Variants in HJURP observed in about 807,000 individuals in gnomAD.
The protein encoded by HJURP is 14-3-3-associated AKT substrate.
Under a neutral mutation model 72.0 loss-of-function variants are expected in HJURP, and 49 were observed. The observed-to-expected ratio is 0.68, with a 90% confidence interval of 0.54 to 0.86. The LOEUF (loss-of-function observed/expected upper bound fraction) is 0.86. HJURP is among the 40% of genes least tolerant of loss of function. The pLI is 0.00. For missense variants in HJURP, 908 were observed against 936.3 expected (o/e 0.97, Z 0.39); for synonymous variants, 357 against 347.1 (o/e 1.03, Z -0.32).
rs1323968662 is a variant in HJURP, at chr2:233,847,409, A to C, written c.390T>G (p.Ala130=). The change falls in exon 5 of 9, where the codon GCT becomes GCG. Residue 130 remains alanine, a synonymous_variant. Transcript: ENST00000411486. The part of the protein sequence containing the change: ...DATSDQEESV[A]WALAPAVPQS... ...AGGCAGCACTTACTGCTAAGGCCCA[A>C]GCAACTGACTCTTCCTGGTCTGACG... 6.2e-7 allele frequency: 1 copy of C among 1,613,974 alleles called. No homozygotes were observed. The highest frequency in any genetic ancestry group is 2.2e-5 in the East Asian group (1 of 44,886).
Position 233,846,223 on chromosome 2 carries a change from C to A in HJURP, c.403-403G>T, listed in dbSNP as rs746808392. On this transcript the variant is annotated intron_variant, in intron 5 of 8. Transcript: ENST00000411486. The surrounding 1 kb of genome is among the most constrained non-coding windows in gnomAD (Gnocchi z 4.3). ...ATCCCAGCACTTTAGGAGGCTGAGG[C>A]AGGTGGATCACTTGAGGCCAGGAGT... 12 of 158,306 alleles carry A rather than the reference C, an allele frequency of 7.6e-5. No homozygotes were observed. The highest frequency in any genetic ancestry group is 1.5e-4 in the Non-Finnish European group (11 of 72,022). The allele number at this position is 158,306 out of a possible 1,614,324, so 9.8% of individuals were successfully genotyped here. A position where few individuals can be genotyped will look rare whatever the true frequency, so the allele number is the denominator to read the frequency against.
Position 233,837,389 on chromosome 2 carries a change from G to T in HJURP, c.*188C>A. The T allele has an allele frequency of 4.4e-6, 2 of 457,644 alleles. No individual in the cohort carries two copies. The highest frequency in any genetic ancestry group is 3.8e-6 in the Non-Finnish European group (1 of 260,182). 28.3% of individuals were successfully genotyped at this position (457,644 alleles called of 1,614,324 possible). A position where few individuals can be genotyped will look rare whatever the true frequency, so the allele number is the denominator to read the frequency against. ...AAAGAGAACCCTAAAAATTCTAATT[G>T]AGCAACTTTATTCACATAATTTCTA... On this transcript the variant is annotated 3_prime_UTR_variant, in exon 9 of 9. Coordinates refer to ENST00000411486, the MANE Select transcript of HJURP (RefSeq NM_018410.5).
chr2:233,849,839 C>G lies in HJURP; in HGVS notation c.261G>C (p.Ala87=), dbSNP rs749028441. ...CTTGCACGGAGCCATCTGTCCTGTC[C>G]GCGGGCTTCATGGAGGAGTCCTCCA... ...GEIQDSSMKP[A]DRTDGSVQAA... is the part of the protein sequence containing the mutation. Residue 87 remains alanine (A), a synonymous_variant, in exon 4 of 9, where the codon GCG becomes GCC. Transcript: ENST00000411486. 1.3e-6 allele frequency: 2 copies of G among 1,552,332 alleles called. No individual in the cohort carries two copies. The highest frequency in any genetic ancestry group is 1.7e-6 in the Non-Finnish European group (2 of 1,147,288).
rs371372758 is a variant in HJURP at position 233,846,854 on chromosome 2, A to G, written c.402+543T>C. Reference sequence around the variant, plus strand: ...AAATTCGCATCTATCCCAACCAAGGAGGATAAGAAGCACATCCCATAAGAA... The same window carrying G: ...AAATTCGCATCTATCCCAACCAAGGGGGATAAGAAGCACATCCCATAAGAA... On this transcript the variant is annotated intron_variant, in intron 5 of 8. Transcript: ENST00000411486. This position sits in a 1 kb window ranked among gnomAD's most constrained non-coding sequence, Gnocchi z 4.3. Among the ~76,000 whole-genome samples the G allele has an allele frequency of 3.9e-5, 6 of 152,200 alleles. No individual in the cohort carries two copies. The East Asian group carries it at 9.6e-4, about 24-fold the overall frequency.
In HJURP at chr2:233,840,658, C is replaced by A. The variant is rs372240290; in HGVS notation, c.2122G>T (p.Val708Phe). The A allele has an allele frequency of 1.4e-5, 23 of 1,611,620 alleles. No individual in the cohort carries two copies. In the Admixed American group the frequency reaches 3.4e-4, roughly 24 times the overall value. Residue 708 changes from valine (V) to phenylalanine (F), a missense_variant, in exon 8 of 9, where the codon GTC becomes TTC. Val to Phe is a conservative substitution (Grantham distance 50). Coordinates refer to ENST00000411486, the MANE Select transcript of HJURP (RefSeq NM_018410.5). ...GAGCTGCCCTGGTCTCCCGGTCTGACGGTGTTGTCCACCCCATCTGAGGCA... is the reference window on the plus strand; with the variant it reads ...GAGCTGCCCTGGTCTCCCGGTCTGAAGGTGTTGTCCACCCCATCTGAGGCA... ...LGASDGVDNT[V>F]RPGDQGSSSQ...
Position 233,840,927 on chromosome 2 carries a change from T to C in HJURP, c.1853A>G (p.Tyr618Cys). Residue 618 changes from tyrosine to cysteine, a missense_variant, in exon 8 of 9, where the codon TAT becomes TGT. Tyr to Cys is a radical substitution (Grantham distance 194). This residue lies in a region of HJURP where 598 missense variants were observed against 619.5 expected (regional missense o/e 0.97). Coordinates refer to ENST00000411486, the MANE Select transcript of HJURP (RefSeq NM_018410.5). Reference protein sequence around the residue: ...STDKASMEVRYQTEGFLGKLN... With the variant: ...STDKASMEVRCQTEGFLGKLN... ...TTTTCCTAAGAAGCCTTCTGTTTGATATCGAACTTCCATACTTGCTTTATC... is the reference window on the plus strand; with the variant it reads ...TTTTCCTAAGAAGCCTTCTGTTTGACATCGAACTTCCATACTTGCTTTATC... 6.2e-7 allele frequency: 1 copy of C among 1,614,150 alleles called. No individual in the cohort carries two copies. Among genetic ancestry groups the C allele is most frequent in the Non-Finnish European group, 8.5e-7 (1 of 1,180,000 alleles).
intron 3 of HJURP, among the ~76,000 whole-genome samples, chr2:233,851,542 TA>T (rs1263500994): frequency 6.6e-6 from 1 of 152,136 alleles, no homozygotes; most frequent in Admixed American, 6.5e-5. Context: ...GCTAATTGCC[TA>T]TCAACAGGAG....
Position 233,841,952 on chromosome 2 carries a change from G to A in HJURP, c.828C>T (p.Ser276=), listed in dbSNP as rs1047678595. The change falls in exon 8 of 9, where the codon AGC becomes AGT. Residue 276 remains serine (S), a synonymous_variant. Transcript: ENST00000411486. ...TGGAGATGATGCTTGATGGCTTTGT[G>A]CTCAACAGCCGGCTCATGGAGTGCA... The part of the protein sequence containing the change: ...GMLHSMSRLL[S]TKPSSIISTK... The A allele has an allele frequency of 1.2e-6, 2 of 1,614,202 alleles. No individual in the cohort carries two copies. The highest frequency in any genetic ancestry group is 8.5e-7 in the Non-Finnish European group (1 of 1,180,048).
Position 233,842,132 on chromosome 2 carries a change from A to G in HJURP, c.648T>C (p.Asp216=), listed in dbSNP as rs753707248. 9 of 1,613,934 alleles carry G rather than the reference A, an allele frequency of 5.6e-6. No homozygotes were observed. Among genetic ancestry groups the G allele is most frequent in the Non-Finnish European group, 3.4e-6 (4 of 1,179,922 alleles). ...TGTCTGTGGAGGAAGGATGCAAAGG[A>G]TCCCATTCTCTGGGAGATGAAGCTG... The part of the protein sequence containing the change: ...AKPASSPREW[D]PLHPSSTDMA... The change falls in exon 8 of 9, where the codon GAT becomes GAC. Residue 216 remains aspartate, a synonymous_variant. Coordinates refer to ENST00000411486, the MANE Select transcript of HJURP (RefSeq NM_018410.5).
Position 233,837,624 on chromosome 2 carries a change from C to T in HJURP, c.2200G>A (p.Glu734Lys), listed in dbSNP as rs1293119383. The stretch of plus-strand genomic sequence containing the variant: ...TTTTCTAGCATGAAATCACTTTTCT[C>T]TTCCATCCTGTAAGACGTGTTCTCT... ...RGENTSYRME[E>K]KSDFMLEKLE... Residue 734 changes from glutamate to lysine, a missense_variant, in exon 9 of 9, where the codon GAG (glutamate) becomes AAG (lysine). Physicochemically the swap from Glu to Lys is moderately conservative, Grantham distance 56 (BLOSUM62 1). Transcript: ENST00000411486. The T allele has an allele frequency of 1.2e-6, 2 of 1,611,398 alleles. No individual in the cohort carries two copies. Among genetic ancestry groups the T allele is most frequent in the South Asian group, 1.1e-5 (1 of 90,912 alleles).
intron 6 of HJURP, 90 bp downstream of exon 6, chr2:233,845,638 G>T: frequency 1.2e-6 from 1 of 827,776 alleles, no homozygotes; most frequent in Non-Finnish European, 1.9e-6. Context: ...GGGTTCTGTA[G>T]AAAAAACAAA....
At chr2:233,837,802 T>C (rs1705115206) in intron 8 of HJURP, 150 bp from the exon 9 acceptor site, 1 of 623,090 alleles carries the variant, frequency 1.6e-6, no homozygotes, top group East Asian at 2.7e-5. Flanking sequence ...AAGTAAGTTA[T>C]GTTAAAGAAA....
chr2:233,849,416 C>A (rs531640952), intron 4 of HJURP, among the ~76,000 whole-genome samples: 3 of 152,022 alleles, frequency 2.0e-5, no homozygotes, highest in Non-Finnish European at 4.4e-5. Flanking sequence ...CCTAGGAGGA[C>A]GAAGTGGGAA....
rs650570 is a variant in HJURP, at chr2:233,846,406, T to C, written c.403-586A>G. On this transcript the variant is annotated intron_variant, in intron 5 of 8. Transcript: ENST00000411486. The surrounding 1 kb of genome is among the most constrained non-coding windows in gnomAD (Gnocchi z 4.3). ...AGTAGAGGTTGCAGTGAGCTGAGATTGCCCCACCGCACTCCAGCCTGGGTG... is the reference window on the plus strand; with the variant it reads ...AGTAGAGGTTGCAGTGAGCTGAGATCGCCCCACCGCACTCCAGCCTGGGTG... 0.6 allele frequency among the ~76,000 whole-genome samples: 90,669 copies of C among 151,980 alleles called. 28,098 individuals carry two copies. The highest frequency in any genetic ancestry group is 0.76 in the Middle Eastern group (224 of 294).
rs537413167 is a variant in HJURP, at chr2:233,846,668, C to T, written c.402+729G>A. On this transcript the variant is annotated intron_variant, in intron 5 of 8. Transcript: ENST00000411486. The surrounding 1 kb of genome is among the most constrained non-coding windows in gnomAD (Gnocchi z 4.3). ...GCATCCACTTTCTTCCCCAGGACCA[C>T]GGCCTTTTTCTTAGTCACTGAAAGT... Among the ~76,000 whole-genome samples, 6 of 152,290 alleles carry T rather than the reference C, an allele frequency of 3.9e-5. No homozygotes were observed. The South Asian group carries it at 6.2e-4, about 16-fold the overall frequency.
Position 233,853,883 on chromosome 2 carries a change from C to T in HJURP, c.145G>A (p.Val49Met). The change falls in exon 2 of 9, where the codon GTG becomes ATG. Residue 49 changes from valine (V) to methionine (M), a missense_variant. This residue lies in a region of HJURP where 299 missense variants were observed against 286.7 expected (regional missense o/e 1.04). Transcript: ENST00000411486. Reference sequence around the variant, plus strand: ...TAGGTCAGCGTGGCCATTTGCACCACCGGGGTGTCCTCGAAGGGCTGGTTG... The same window carrying T: ...TAGGTCAGCGTGGCCATTTGCACCATCGGGGTGTCCTCGAAGGGCTGGTTG... The part of the protein sequence containing the change: ...KYNQPFEDTP[V>M]VQMATLTYET... The T allele has an allele frequency of 6.2e-7, 1 of 1,614,114 alleles. No individual in the cohort carries two copies. Among genetic ancestry groups the T allele is most frequent in the Non-Finnish European group, 8.5e-7 (1 of 1,179,976 alleles).
rs1170112138 is a variant in HJURP at position 233,849,786 on chromosome 2, G to A, written c.314C>T (p.Ser105Leu). 4 of 1,553,930 alleles carry A rather than the reference G, an allele frequency of 2.6e-6. No individual in the cohort carries two copies. Among genetic ancestry groups the A allele is most frequent in the Admixed American group, 1.9e-5 (1 of 51,520 alleles). Residue 105 changes from serine to leucine, a missense_variant, in exon 4 of 9, where the codon TCG becomes TTG. By Grantham distance (145) the Ser-to-Leu change is moderately radical (BLOSUM62 -2). Coordinates refer to ENST00000411486, the MANE Select transcript of HJURP (RefSeq NM_018410.5). ...QAAAWGPELP[S>L]HRTVLGADSK... is the part of the protein sequence containing the mutation. The stretch of plus-strand genomic sequence containing the variant: ...ACCGGCTCCCAGGACTGTGCGGTGC[G>A]AGGGAAGCTCAGGACCCCAGGCTGC...
At chr2:233,848,294 T>A (rs1705416997) in intron 4 of HJURP, among the ~76,000 whole-genome samples, 1 of 151,790 alleles carries the variant, frequency 6.6e-6, no homozygotes. Context: ...AGAGTGGGGG[T>A]CTGTTCCAGC....
In HJURP at chr2:233,840,926, A is replaced by G. The variant is rs1350985750; in HGVS notation, c.1854T>C (p.Tyr618=). The part of the protein sequence containing the change: ...STDKASMEVR[Y]QTEGFLGKLN... Reference sequence around the variant, plus strand: ...ATTTTCCTAAGAAGCCTTCTGTTTGATATCGAACTTCCATACTTGCTTTAT... The same window carrying G: ...ATTTTCCTAAGAAGCCTTCTGTTTGGTATCGAACTTCCATACTTGCTTTAT... The change falls in exon 8 of 9, where the codon TAT becomes TAC. Residue 618 remains tyrosine (Y), a synonymous_variant. Coordinates refer to ENST00000411486, the MANE Select transcript of HJURP (RefSeq NM_018410.5). 1.9e-5 allele frequency: 30 copies of G among 1,614,000 alleles called. No homozygotes were observed. Among genetic ancestry groups the G allele is most frequent in the Non-Finnish European group, 2.2e-5 (26 of 1,180,004 alleles).
Sources: allele counts gnomAD v4.1 joint callset (sites outside exome capture counted in the v4.1 genomes callset), GRCh38; gene constraint gnomAD v4.1.1; regional missense constraint gnomAD v4.1.1; non-coding constraint Gnocchi (gnomAD v3.1); transcripts MANE v1.5; gene names NCBI Gene and HGNC (gene_info 2026-07-23, HGNC 2026-07-21).